PRKAG2: variants seen among roughly 807,000 people sequenced by gnomAD.
The protein encoded by PRKAG2 is 5'-AMP-activated protein kinase subunit gamma-2.
PRKAG2 carries 26 observed loss-of-function variants against 69.6 expected under a neutral mutation model. That is an observed-to-expected ratio of 0.37 (90% confidence interval 0.27 to 0.52). The LOEUF is 0.52. Ranked by LOEUF, PRKAG2 falls within the 20% of genes least tolerant of loss-of-function variation. The pLI is 0.90. For missense variants in PRKAG2, 557 were observed against 740.0 expected, an observed-to-expected ratio of 0.75 and a Z score of 2.87; for synonymous variants, 293 against 285.0, an observed-to-expected ratio of 1.03 and a Z score of -0.28.
intron 1 of PRKAG2, among the ~76,000 whole-genome samples, chr7:151,832,384 G>A (rs930206265): frequency 3.3e-5 from 5 of 152,080 alleles, no homozygotes; most frequent in African/African-American, 7.2e-5. Flanking sequence ...CAGAAGCTCC[G>A]ACTTCTGGGC....
intron 3 of PRKAG2, among the ~76,000 whole-genome samples, chr7:151,692,882 T>C (rs758769025): frequency 1.3e-5 from 2 of 150,902 alleles, no homozygotes; most frequent in Non-Finnish European, 3.0e-5. Flanking sequence ...GGCGGGGGAG[T>C]GCGAGGGGGA....
chr7:151,629,135 C>T lies in PRKAG2; in HGVS notation c.754+2934G>A, dbSNP rs1476183478. 5.3e-5 allele frequency among the ~76,000 whole-genome samples: 8 copies of T among 152,196 alleles called. No homozygotes were observed. The East Asian group carries it at 1.5e-3, about 29-fold the overall frequency. ...CCCGCCCCTTGGATTGTGTTAGCTG[C>T]TTTCTGCTTTCTTGCTACAAGGGCA... On this transcript the variant is annotated intron_variant, in intron 5 of 15. Transcript: ENST00000287878.
intron 3 of PRKAG2, among the ~76,000 whole-genome samples, chr7:151,713,989 G>A (rs907890639): frequency 6.6e-6 from 1 of 152,146 alleles, no homozygotes; most frequent in Admixed American, 6.5e-5. Flanking sequence ...CAATTTGGGG[G>A]TTCAAGTCCA....
At chr7:151,787,485 A>T (rs558427271) in intron 1 of PRKAG2, among the ~76,000 whole-genome samples, 136 of 152,204 alleles carry the variant, frequency 8.9e-4, no homozygotes, top group Non-Finnish European at 1.1e-3. Flanking sequence ...GACTCCACTT[A>T]GCATAATGTC....
intron 3 of PRKAG2, among the ~76,000 whole-genome samples, chr7:151,724,695 T>C (rs1797645319): frequency 6.8e-6 from 1 of 148,066 alleles, no homozygotes; most frequent in African/African-American, 2.7e-5. Context: ...ATTCCAGAGC[T>C]TGCACACTCC....
chr7:151,610,124 C>T (rs562514804), intron 5 of PRKAG2, among the ~76,000 whole-genome samples: 2 of 152,174 alleles, frequency 1.3e-5, no homozygotes, highest in Admixed American at 6.5e-5. Context: ...CCAGCACTTT[C>T]GGAGGCCGAG....
intron 1 of PRKAG2, among the ~76,000 whole-genome samples, chr7:151,832,235 A>AAGGAAGGGAGGAGGGAAGGAAG (rs1563737742): frequency 9.4e-6 from 1 of 105,884 alleles, no homozygotes; most frequent in African/African-American, 4.2e-5. Flanking sequence ...AGGGAAGGAG[A>AAGGAAGGGAGGAGGGAAGGAAG]GGAGGAGGGA....
chr7:151,572,380 G>A (rs28764002), intron 9 of PRKAG2: 187 of 270,722 alleles, frequency 6.9e-4, no homozygotes, highest in Admixed American at 1.9e-3. Flanking sequence ...TGTGGGCAGC[G>A]AGGTGGGGCT....
chr7:151,571,389 A>G (rs1807537415), intron 9 of PRKAG2, among the ~76,000 whole-genome samples: 4 of 151,576 alleles, frequency 2.6e-5, no homozygotes, highest in Admixed American at 2.6e-4. Context: ...TTGTATTTTT[A>G]GTAGAGAGAG....
At chr7:151,683,569 T>C (rs1834209807) in intron 3 of PRKAG2, among the ~76,000 whole-genome samples, 1 of 152,132 alleles carries the variant, frequency 6.6e-6, no homozygotes, top group African/African-American at 2.4e-5. Context: ...AGCCATGAAG[T>C]GAGAAGAGCA....
At chr7:151,743,061 A>G (rs1011283143) in intron 3 of PRKAG2, among the ~76,000 whole-genome samples, 2 of 152,108 alleles carry the variant, frequency 1.3e-5, no homozygotes, top group Non-Finnish European at 2.9e-5. Flanking sequence ...CCGCCAGTCG[A>G]TGATCCCACA....
At chr7:151,592,362 C>A (rs1345359078) in intron 6 of PRKAG2, among the ~76,000 whole-genome samples, 29 of 152,200 alleles carry the variant, frequency 1.9e-4, no homozygotes, top group Admixed American at 1.9e-3. Context: ...ACATGGATCC[C>A]CAGGGTGATT....
intron 3 of PRKAG2, among the ~76,000 whole-genome samples, 155 bp from the exon 4 acceptor site, chr7:151,675,792 C>T (rs192001454): frequency 6.6e-6 from 1 of 152,154 alleles, no homozygotes; most frequent in East Asian, 1.9e-4. Flanking sequence ...GTCCGGCCTC[C>T]AGGAAGGGAC....
chr7:151,820,741 T>C (rs1013599225), intron 1 of PRKAG2, among the ~76,000 whole-genome samples: 8 of 152,240 alleles, frequency 5.3e-5, no homozygotes, highest in Non-Finnish European at 1.0e-4. Context: ...CAGGAGCCAC[T>C]GTCTGGAGAT....
intron 1 of PRKAG2, among the ~76,000 whole-genome samples, chr7:151,808,529 C>G (rs1031392705): frequency 2.6e-5 from 4 of 152,006 alleles, no homozygotes; most frequent in Admixed American, 6.6e-5. Context: ...TGGTGATGCA[C>G]AGTCAGCAGA....
Position 151,876,710 on chromosome 7 carries a change from C to A in PRKAG2, c.-90G>T, listed in dbSNP as rs76351165. The A allele has an allele frequency of 0.052, 66,853 of 1,284,156 alleles. 2,033 individuals carry two copies. Among genetic ancestry groups the A allele is most frequent in the Non-Finnish European group, 0.06 (54,779 of 906,840 alleles). The allele number at this position is 1,284,156 out of a possible 1,614,324, so 79.5% of individuals were successfully genotyped here. On this transcript the variant is annotated 5_prime_UTR_variant, in exon 1 of 16. Transcript: ENST00000287878. Reference sequence around the variant, plus strand: ...GGCCGCTGCCTTCGGACTGGAGCCGCGCGCTCTGTTACACCCTGAAGCCAC... The same window carrying A: ...GGCCGCTGCCTTCGGACTGGAGCCGAGCGCTCTGTTACACCCTGAAGCCAC...
intron 3 of PRKAG2, among the ~76,000 whole-genome samples, chr7:151,698,515 CTA>C (rs1218203151): frequency 3.9e-5 from 6 of 152,082 alleles, no homozygotes; most frequent in African/African-American, 1.4e-4. Flanking sequence ...AGTTCTCGCT[CTA>C]TGAGTTCACA....
intron 1 of PRKAG2, among the ~76,000 whole-genome samples, chr7:151,857,077 A>C (rs1247748262): frequency 6.6e-6 from 1 of 151,798 alleles, no homozygotes; most frequent in Non-Finnish European, 1.5e-5. Context: ...AAAACAAAAA[A>C]ACAATCCTAA....
At position 151,688,042 on chromosome 7, in the gene PRKAG2, G is replaced by GCTCCCC. The variant is rs1554539801; in HGVS notation, c.467-12406_467-12405insGGGGAG. On this transcript the variant is annotated intron_variant, in intron 3 of 15. Coordinates refer to ENST00000287878, the MANE Select transcript of PRKAG2 (RefSeq NM_016203.4). ...AGGAGGAGGAGGAGGAGGAAATGAG[G>GCTCCCC]CCCCCCCCCGGGCTCCTTGCTGAGT... is the stretch of plus-strand genomic sequence containing the variant. Among the ~76,000 whole-genome samples, 6 of 106,982 alleles carry GCTCCCC rather than the reference G, an allele frequency of 5.6e-5. 1 individual carries two copies. The highest frequency in any genetic ancestry group is 1.0e-4 in the Non-Finnish European group (5 of 49,452). The allele number at this position is 106,982 out of a possible 152,430, so 70.2% of individuals were successfully genotyped here.
Sources: allele counts gnomAD v4.1 joint callset (sites outside exome capture counted in the v4.1 genomes callset), GRCh38; gene constraint gnomAD v4.1.1; transcripts MANE v1.5; gene names NCBI Gene and HGNC (gene_info 2026-07-23, HGNC 2026-07-21).